The following KDM2A variants were observed in gnomAD, a reference collection of about 807,000 sequenced individuals.
The protein encoded by KDM2A is lysine-specific demethylase 2A.
In KDM2A, 3 loss-of-function variants were observed where a neutral mutation model predicts 137.3. The observed-to-expected ratio is 0.02, with a 90% CI of 0.01 to 0.06. The LOEUF is 0.06. KDM2A is among the 10% of genes least tolerant of loss of function. The pLI, the probability that KDM2A is intolerant of heterozygous loss-of-function variation, is 1.00. For missense variants in KDM2A, 738 were observed against 1,510.6 expected, an observed-to-expected ratio of 0.49 and a Z score of 8.48; for synonymous variants, 512 against 541.5, an observed-to-expected ratio of 0.95 and a Z score of 0.76.
rs1354667758 is a variant in KDM2A at position 67,257,936 on chromosome 11, C to A, written c.*2881C>A. 2.6e-5 allele frequency: 4 copies of A among 151,794 alleles called. No individual in the cohort carries two copies. Among genetic ancestry groups the A allele is most frequent in the Admixed American group, 2.6e-4 (4 of 15,236 alleles). 9.4% of individuals were successfully genotyped at this position (151,794 alleles called of 1,614,324 possible). ...GAGCAAGGACATCTTTCCTCTGACA[C>A]GTGGGAATGGGTGATATTTGTGTAA... is the stretch of plus-strand genomic sequence containing the variant. On this transcript the variant is annotated 3_prime_UTR_variant, in exon 21 of 21. Coordinates refer to ENST00000529006, the MANE Select transcript of KDM2A (RefSeq NM_012308.3).
At chr11:67,165,532 T>C (rs1305650744) in intron 2 of KDM2A, among the ~76,000 whole-genome samples, 2 of 152,200 alleles carry the variant, frequency 1.3e-5, no homozygotes, top group Admixed American at 1.3e-4. Context: ...CATTTGTTGA[T>C]TAAGAGACTG....
rs879775886 is a variant in KDM2A at position 67,135,067 on chromosome 11, CT to C, written c.42+13721del. Among the ~76,000 whole-genome samples, 348 of 145,280 alleles carry C rather than the reference CT, an allele frequency of 2.4e-3. 1 individual carries two copies. The highest frequency in any genetic ancestry group is 0.01 in the East Asian group (52 of 4,986). ...ATTAAGCTACAGCAGATAAGATTTT[CT>C]TTTTTTTTTTTCCCCCTGAGACGGA... is the stretch of plus-strand genomic sequence containing the variant. On this transcript the variant is annotated intron_variant, in intron 2 of 20. Transcript: ENST00000529006.
intron 2 of KDM2A, among the ~76,000 whole-genome samples, chr11:67,139,099 C>T (rs1856036920): frequency 6.6e-6 from 1 of 152,112 alleles, no homozygotes; most frequent in Non-Finnish European, 1.5e-5. Flanking sequence ...CACCATGCTC[C>T]TTAAGTCTTA....
intron 5 of KDM2A, among the ~76,000 whole-genome samples, chr11:67,203,015 AAAAG>A (rs904533763): frequency 5.3e-5 from 8 of 152,004 alleles, no homozygotes; most frequent in Admixed American, 1.3e-4. Context: ...AAAAAAAAAA[AAAAG>A]AAAAACGGTT....
chr11:67,221,667 G>A (rs542800381), intron 10 of KDM2A, among the ~76,000 whole-genome samples: 37 of 152,256 alleles, frequency 2.4e-4, no homozygotes, highest in Non-Finnish European at 4.6e-4. Context: ...CTTTTTATTT[G>A]TTAAGAGTAA....
At chr11:67,123,105 GACT>G (rs1411429561) in intron 2 of KDM2A, among the ~76,000 whole-genome samples, 1 of 151,924 alleles carries the variant, frequency 6.6e-6, no homozygotes, top group Non-Finnish European at 1.5e-5. Flanking sequence ...GAGTAGCTGG[GACT>G]ACAGGCGTGT....
intron 15 of KDM2A, among the ~76,000 whole-genome samples, chr11:67,247,158 C>T (rs528127887): frequency 5.9e-4 from 75 of 127,200 alleles, no homozygotes; most frequent in African/African-American, 2.2e-3. Context: ...GGCGTGACCT[C>T]GTCTCACTGC....
At chr11:67,215,728 T>TTC in intron 7 of KDM2A, 128 bp from the exon 8 acceptor site, 2 of 762,282 alleles carry the variant, frequency 2.6e-6, no homozygotes, top group Non-Finnish European at 4.5e-6. Flanking sequence ...GCATTGCTTT[T>TTC]TCTCCTTCTG....
chr11:67,171,691 T>C (rs1273277531), intron 2 of KDM2A, among the ~76,000 whole-genome samples: 1 of 152,252 alleles, frequency 6.6e-6, no homozygotes, highest in East Asian at 1.9e-4. Flanking sequence ...ATTCTCACAG[T>C]GTGATTATCT....
intron 11 of KDM2A, among the ~76,000 whole-genome samples, chr11:67,229,587 T>C (rs1488079904): frequency 6.6e-6 from 1 of 152,170 alleles, no homozygotes; most frequent in African/African-American, 2.4e-5. Flanking sequence ...AAATAAAAAA[T>C]GGGCCTGGCA....
intron 5 of KDM2A, among the ~76,000 whole-genome samples, chr11:67,203,258 C>T (rs555809719): frequency 2.7e-4 from 41 of 151,570 alleles, no homozygotes; most frequent in Non-Finnish European, 4.1e-4. Flanking sequence ...ACTTAATAGC[C>T]TACAGTATAA....
At chr11:67,203,425 C>T (rs1857701959) in intron 5 of KDM2A, among the ~76,000 whole-genome samples, 1 of 45,918 alleles carries the variant, frequency 2.2e-5, no homozygotes, top group Admixed American at 2.2e-4. Flanking sequence ...AATAAATAGT[C>T]TATAATAAAT....
At chr11:67,132,444 C>T (rs1209354201) in intron 2 of KDM2A, among the ~76,000 whole-genome samples, 2 of 152,000 alleles carry the variant, frequency 1.3e-5, no homozygotes, top group Non-Finnish European at 2.9e-5. Context: ...CCACCACGCC[C>T]GGCTAATTTT....
chr11:67,155,523 C>T (rs529490821), intron 2 of KDM2A, among the ~76,000 whole-genome samples: 4 of 152,252 alleles, frequency 2.6e-5, no homozygotes, highest in Non-Finnish European at 5.9e-5. Flanking sequence ...AAGCTGGTTT[C>T]GAACTCTTGG....
At position 67,139,243 on chromosome 11, in the gene KDM2A, CCTTTTTT is replaced by C. The variant is rs368533931; in HGVS notation, c.42+17898_42+17904del. Among the ~76,000 whole-genome samples, 544 of 150,082 alleles carry C rather than the reference CCTTTTTT, an allele frequency of 3.6e-3. 4 individuals carry two copies. Among genetic ancestry groups the C allele is most frequent in the South Asian group, 0.02 (95 of 4,748 alleles). On this transcript the variant is annotated intron_variant, in intron 2 of 20. Transcript: ENST00000529006. Reference sequence around the variant, plus strand: ...AAAGATTGCTACTTTTTTTTTTTTTCCTTTTTTCTTTTTTCTTTTGAGACGGAGTCTC... The same window carrying C: ...AAAGATTGCTACTTTTTTTTTTTTTCCTTTTTTCTTTTGAGACGGAGTCTC...
At position 67,254,092 on chromosome 11, in the gene KDM2A, C is replaced by G; in HGVS notation, c.3092-111C>G. On this transcript the variant is annotated intron_variant, in intron 19 of 20. Transcript: ENST00000529006. The surrounding 1 kb of genome is among the most constrained non-coding windows in gnomAD (Gnocchi z 4.7). ...GCATGGCTGGGTGTGGGCAGTTCTA[C>G]TTAACCCCTTCAAGGGGGCCTGGCC... 1.1e-6 allele frequency: 1 copy of G among 906,670 alleles called. No individual in the cohort carries two copies. The highest frequency in any genetic ancestry group is 1.7e-6 in the Non-Finnish European group (1 of 598,298). The allele number at this position is 906,670 out of a possible 1,614,324, so 56.2% of individuals were successfully genotyped here. A position where few individuals can be genotyped will look rare whatever the true frequency, so the allele number is the denominator to read the frequency against.
intron 2 of KDM2A, among the ~76,000 whole-genome samples, chr11:67,176,996 G>A (rs889944750): frequency 2.6e-5 from 4 of 151,746 alleles, no homozygotes; most frequent in African/African-American, 2.4e-5. Context: ...GGTGGCTCAC[G>A]CCTGTAATCC....
intron 2 of KDM2A, among the ~76,000 whole-genome samples, chr11:67,165,885 G>GT (rs897850866): frequency 2.6e-5 from 4 of 152,056 alleles, no homozygotes; most frequent in African/African-American, 9.7e-5. Flanking sequence ...ACTTTTAGGG[G>GT]TTTTTTCTTT....
chr11:67,249,301 C>T (rs1859336917), intron 16 of KDM2A, among the ~76,000 whole-genome samples: 1 of 152,248 alleles, frequency 6.6e-6, no homozygotes, highest in African/African-American at 2.4e-5. Context: ...TTTAGTATTA[C>T]CTTCTAATAC....
Sources: gnomAD v4.1 joint callset for allele counts (sites outside exome capture counted in the v4.1 genomes callset) on GRCh38, gnomAD v4.1.1 for gene constraint, Gnocchi (gnomAD v3.1) non-coding constraint, MANE v1.5 for transcripts, NCBI Gene and HGNC (gene_info 2026-07-23, HGNC 2026-07-21) for gene names.